The following COQ8A variants were observed in gnomAD, a reference collection of about 807,000 sequenced individuals.
COQ8A encodes the protein atypical kinase COQ8A, mitochondrial.
In COQ8A, 51 loss-of-function variants were observed where a neutral mutation model predicts 65.0. The observed-to-expected ratio is 0.78, with a 90% CI of 0.63 to 0.99. COQ8A has a LOEUF of 0.99. Among genes scored for constraint, COQ8A ranks in the 50% least tolerant of loss-of-function variants. COQ8A has a pLI of 0.00. For missense variants in COQ8A, 940 were observed against 875.0 expected, an observed-to-expected ratio of 1.07 and a Z score of -0.94; for synonymous variants, 371 against 353.2, an observed-to-expected ratio of 1.05 and a Z score of -0.57.
intron 1 of COQ8A, among the ~76,000 whole-genome samples, chr1:226,959,975 G>A (rs976810769): frequency 5.3e-5 from 8 of 152,206 alleles, no homozygotes; most frequent in African/African-American, 1.9e-4. Flanking sequence ...TGCATCATGT[G>A]GTAGTGCTTG....
Position 226,982,504 on chromosome 1 carries a change from C to T in COQ8A, c.854-174C>T, listed in dbSNP as rs574409063. 171 of 756,164 alleles carry T rather than the reference C, an allele frequency of 2.3e-4. 1 individual carries two copies. The highest frequency in any genetic ancestry group is 1.3e-3 in the Admixed American group (64 of 48,676). 46.8% of individuals were successfully genotyped at this position (756,164 alleles called of 1,614,324 possible). The stretch of plus-strand genomic sequence containing the variant: ...GTCACTGGGCGGAGGCTGGGGCTCC[C>T]GGGAAGCTGAGTGGCCGAGGGCGTG... On this transcript the variant is annotated intron_variant, in intron 6 of 14. Transcript: ENST00000366777.
intron 2 of COQ8A, among the ~76,000 whole-genome samples, chr1:226,961,773 G>A (rs923370821): frequency 1.3e-5 from 2 of 152,358 alleles, no homozygotes; most frequent in African/African-American, 4.8e-5. Flanking sequence ...TAGACTGGTG[G>A]CTTAAACAAT....
At chr1:226,971,422 G>A (rs917276679) in intron 4 of COQ8A, among the ~76,000 whole-genome samples, 4 of 151,874 alleles carry the variant, frequency 2.6e-5, no homozygotes, top group Admixed American at 6.6e-5. Flanking sequence ...CGTGGTGGTG[G>A]GTACCTGTAA....
intron 3 of COQ8A, 41 bp downstream of exon 3, chr1:226,965,451 C>G (rs1426072827): frequency 6.3e-7 from 1 of 1,592,026 alleles, no homozygotes; most frequent in Non-Finnish European, 8.5e-7. Flanking sequence ...GTAGCTGCCA[C>G]CCACAGCAGT....
At chr1:226,943,233 G>A (rs969937577) in intron 1 of COQ8A, among the ~76,000 whole-genome samples, 2 of 152,234 alleles carry the variant, frequency 1.3e-5, no homozygotes, top group East Asian at 1.9e-4. Flanking sequence ...TGGACACTGA[G>A]TCATTATCTT....
intron 1 of COQ8A, among the ~76,000 whole-genome samples, chr1:226,957,208 A>G (rs1353867372): frequency 9.6e-6 from 1 of 103,666 alleles, no homozygotes; most frequent in Non-Finnish European, 1.9e-5. Context: ...CCTGGCTCCT[A>G]CTCTCCCTGG....
chr1:226,982,670 C>G lies in COQ8A; in HGVS notation c.854-8C>G. The G allele has an allele frequency of 6.2e-7, 1 of 1,612,882 alleles. No homozygotes were observed. The highest frequency in any genetic ancestry group is 8.5e-7 in the Non-Finnish European group (1 of 1,179,902). ...AGGTTCGCCCTGTGTCATTCTCCTGCCTTCCAGATGATGCCTTTATCAACC... is the reference window on the plus strand; with the variant it reads ...AGGTTCGCCCTGTGTCATTCTCCTGGCTTCCAGATGATGCCTTTATCAACC... On this transcript the variant is annotated splice_polypyrimidine_tract_variant and splice_region_variant and intron_variant, in intron 6 of 14. Coordinates refer to ENST00000366777, the MANE Select transcript of COQ8A (RefSeq NM_020247.5).
At position 226,982,065 on chromosome 1, in the gene COQ8A, G is replaced by C; in HGVS notation, c.769G>C (p.Glu257Gln). ...GCTGGGTTCCAGTCCTTTCCTGTCC[G>C]AGGCCAATGCAGAGCGGATCGTGCG... ...AVLGSSPFLSEANAERIVRTL... is the reference protein window; with the variant it reads ...AVLGSSPFLSQANAERIVRTL... The change falls in exon 6 of 15, where the codon GAG (glutamate) becomes CAG (glutamine). Residue 257 changes from glutamate (E) to glutamine (Q), a missense_variant. Coordinates refer to ENST00000366777, the MANE Select transcript of COQ8A (RefSeq NM_020247.5). The C allele has an allele frequency of 1.9e-6, 3 of 1,612,880 alleles. No individual in the cohort carries two copies. The highest frequency in any genetic ancestry group is 2.5e-6 in the Non-Finnish European group (3 of 1,179,994).
rs12093413 is a variant in COQ8A at position 226,949,357 on chromosome 1, T to C, written c.-10+8958T>C. Among the ~76,000 whole-genome samples the C allele has an allele frequency of 0.018, 2,739 of 151,862 alleles. 86 individuals carry two copies. The highest frequency in any genetic ancestry group is 0.062 in the African/African-American group (2,578 of 41,376). On this transcript the variant is annotated intron_variant, in intron 1 of 14. Coordinates refer to ENST00000366777, the MANE Select transcript of COQ8A (RefSeq NM_020247.5). The surrounding 1 kb of genome is among the most constrained non-coding windows in gnomAD (Gnocchi z 4.0). ...GTGGGTTTTTTTATAGGGAGAGGAA[T>C]CTGGCAGGAGAGTGTTCCATGGCTC... is the stretch of plus-strand genomic sequence containing the variant.
At chr1:226,960,616 ATGGTGGTGGTGG>A (rs777819893) in intron 1 of COQ8A, among the ~76,000 whole-genome samples, 7 of 40,902 alleles carry the variant, frequency 1.7e-4, no homozygotes, top group Admixed American at 2.7e-4. Flanking sequence ...GGCGGTGGTG[ATGGTGGTGGTGG>A]TGGTGGTGGT....
chr1:226,983,269 T>G, intron 8 of COQ8A: 1 of 700,896 alleles, frequency 1.4e-6, no homozygotes, highest in Non-Finnish European at 2.3e-6. Flanking sequence ...TGATTTGGGG[T>G]GGGCAAGGAC....
intron 1 of COQ8A, among the ~76,000 whole-genome samples, chr1:226,945,354 C>CGG (rs1297280884): frequency 4.6e-5 from 7 of 152,156 alleles, no homozygotes; most frequent in Non-Finnish European, 1.0e-4. Context: ...CTGCTGTTCA[C>CGG]GGGGCTGGAT....
chr1:226,945,506 G>T (rs537346996), intron 1 of COQ8A, among the ~76,000 whole-genome samples: 1 of 152,344 alleles, frequency 6.6e-6, no homozygotes, highest in Non-Finnish European at 1.5e-5. Flanking sequence ...AAAAGTAAGA[G>T]TCGATTGCCC....
In COQ8A at chr1:226,986,974, C is replaced by T; in HGVS notation, c.*237C>T. On this transcript the variant is annotated 3_prime_UTR_variant, in exon 15 of 15. Transcript: ENST00000366777. ...CTCGGTCAGTCTGCCTCCGTGTGTC[C>T]TCTGAAATAAGCAGATGAAGATGAA... 3.4e-6 allele frequency: 2 copies of T among 586,210 alleles called. No homozygotes were observed. Among genetic ancestry groups the T allele is most frequent in the South Asian group, 2.0e-5 (1 of 49,846 alleles). The allele number at this position is 586,210 out of a possible 1,614,324, so 36.3% of individuals were successfully genotyped here.
intron 1 of COQ8A, among the ~76,000 whole-genome samples, chr1:226,951,185 C>G (rs542675667): frequency 1.3e-5 from 2 of 152,326 alleles, no homozygotes; most frequent in African/African-American, 4.8e-5. Flanking sequence ...GACCCCACAC[C>G]CACGTCAGTG....
intron 4 of COQ8A, among the ~76,000 whole-genome samples, chr1:226,968,801 A>G (rs1225844138): frequency 1.3e-5 from 2 of 152,172 alleles, no homozygotes; most frequent in Admixed American, 6.6e-5. Context: ...GGGGCGGGGC[A>G]TGAGTCCTAA....
At chr1:226,951,609 G>A (rs1175768904) in intron 1 of COQ8A, among the ~76,000 whole-genome samples, 2 of 152,136 alleles carry the variant, frequency 1.3e-5, no homozygotes, top group African/African-American at 4.8e-5. Flanking sequence ...CCCAACACGA[G>A]CCTTATTGGG....
At chr1:226,985,029 G>A (rs1659998610) in intron 13 of COQ8A, 88 bp downstream of exon 13, 1 of 1,522,724 alleles carries the variant, frequency 6.6e-7, no homozygotes, top group South Asian at 1.1e-5. Flanking sequence ...AGAATGACTG[G>A]GTTCCTGCCC....
At chr1:226,942,795 T>C (rs1035092223) in intron 1 of COQ8A, among the ~76,000 whole-genome samples, 1 of 152,208 alleles carries the variant, frequency 6.6e-6, no homozygotes, top group Non-Finnish European at 1.5e-5. Flanking sequence ...ACCTTTTCTT[T>C]TTCTTTTCTC....
Sources: allele counts gnomAD v4.1 joint callset (sites outside exome capture counted in the v4.1 genomes callset), GRCh38; gene constraint gnomAD v4.1.1; non-coding constraint Gnocchi (gnomAD v3.1); transcripts MANE v1.5; gene names NCBI Gene and HGNC (gene_info 2026-07-23, HGNC 2026-07-21).